WASF2: variants seen among roughly 807,000 people sequenced by gnomAD.
The protein encoded by WASF2 is WASP family member 2.
A neutral mutation model predicts 45.0 loss-of-function variants in WASF2; 14 were observed. The ratio of observed to expected loss-of-function variants is 0.31; its 90% CI spans 0.21 to 0.49. The LOEUF (loss-of-function observed/expected upper bound fraction) is 0.49, where lower values mean the gene tolerates loss of function less well. WASF2 is among the 20% of genes least tolerant of loss of function. WASF2 has a pLI of 0.99. For synonymous variants in WASF2, 200 were observed against 236.3 expected (o/e 0.85, Z 1.41); for missense variants, 439 against 636.1 (o/e 0.69, Z 3.33).
intron 1 of WASF2, among the ~76,000 whole-genome samples, chr1:27,456,731 CTCT>C (rs1205462352): frequency 1.4e-5 from 2 of 146,624 alleles, no homozygotes; most frequent in African/African-American, 5.0e-5. Flanking sequence ...TAAAGGTTTT[CTCT>C]TTTTTTTTTT....
rs772899205 is a variant in WASF2, at chr1:27,484,833, AAGG to A, written c.-44+5150_-44+5152del. Among the ~76,000 whole-genome samples, 3 of 151,688 alleles carry A rather than the reference AAGG, an allele frequency of 2.0e-5. 1 individual carries two copies. The South Asian group carries it at 6.2e-4, about 32-fold the overall frequency. ...TCTCAAAAAAAAAAAGAATACTCTA[AAGG>A]AAAAAAATCAGCTTTAAAATTTGGC... On this transcript the variant is annotated intron_variant, in intron 1 of 8. Coordinates refer to ENST00000618852, the MANE Select transcript of WASF2 (RefSeq NM_006990.5).
chr1:27,441,088 G>A (rs189729202), intron 1 of WASF2, among the ~76,000 whole-genome samples: 306 of 151,992 alleles, frequency 2.0e-3, no homozygotes, highest in African/African-American at 6.9e-3. Flanking sequence ...GGGTAGTCTC[G>A]AACTCCTGAG....
intron 1 of WASF2, among the ~76,000 whole-genome samples, chr1:27,489,696 A>T (rs545428032): frequency 6.6e-6 from 1 of 152,298 alleles, no homozygotes; most frequent in African/African-American, 2.4e-5. Context: ...CTTGCTCAAG[A>T]TCACACAGCG....
intron 1 of WASF2, among the ~76,000 whole-genome samples, chr1:27,468,921 CAAAAA>C (rs71010356): frequency 5.1e-5 from 4 of 77,778 alleles, no homozygotes; most frequent in Admixed American, 3.3e-4. Context: ...GACTCTGTCT[CAAAAA>C]AAAAAAAAAA....
At chr1:27,459,189 C>A (rs1176196465) in intron 1 of WASF2, 1 of 152,146 alleles carries the variant, frequency 6.6e-6, no homozygotes, top group African/African-American at 2.4e-5. Flanking sequence ...TGAGACCTGG[C>A]CGTGCCTGTC....
chr1:27,444,435 C>A (rs191462013), intron 1 of WASF2, among the ~76,000 whole-genome samples: 2 of 152,236 alleles, frequency 1.3e-5, no homozygotes, highest in East Asian at 3.9e-4. Context: ...CAGAGGGGTA[C>A]CCAGCACCCA....
At chr1:27,419,680 A>G (rs72882778) in intron 2 of WASF2, among the ~76,000 whole-genome samples, 9,690 of 152,224 alleles carry the variant, frequency 0.064, 1,034 homozygotes, top group African/African-American at 0.22. Context: ...TACCTTATAA[A>G]ACGGTTCTGA....
chr1:27,454,179 ATATATATATTTTTTTTT>A (rs1257770454), intron 1 of WASF2, among the ~76,000 whole-genome samples: 37 of 10,292 alleles, frequency 3.6e-3, no homozygotes, highest in African/African-American at 8.0e-3. Context: ...ATATATATAT[ATATATATATTTTTTTTT>A]TTTTTTTTTT....
chr1:27,468,122 G>A (rs2148135687), intron 1 of WASF2, among the ~76,000 whole-genome samples: 2 of 152,008 alleles, frequency 1.3e-5, no homozygotes, highest in Middle Eastern at 6.8e-3. Flanking sequence ...TAGTATAGAT[G>A]GGGTTTTACC....
intron 3 of WASF2, 112 bp from the exon 4 acceptor site, chr1:27,418,534 G>A (rs571423174): frequency 2.7e-5 from 38 of 1,425,786 alleles, no homozygotes; most frequent in Middle Eastern, 3.6e-4. Flanking sequence ...GTGGCTGTCC[G>A]CAGCCAGGCT....
At chr1:27,466,190 A>G (rs569174776) in intron 1 of WASF2, among the ~76,000 whole-genome samples, 1 of 152,362 alleles carries the variant, frequency 6.6e-6, no homozygotes, top group African/African-American at 2.4e-5. Flanking sequence ...ATCAAACCCC[A>G]GGGTAACCAA....
intron 1 of WASF2, among the ~76,000 whole-genome samples, chr1:27,457,770 G>C (rs1226532695): frequency 6.6e-6 from 1 of 151,846 alleles, no homozygotes; most frequent in African/African-American, 2.4e-5. Context: ...ATAGGTGTGA[G>C]CTACCTCTCC....
At chr1:27,454,185 ATATTTTTTTTT>A (rs2017434333) in intron 1 of WASF2, among the ~76,000 whole-genome samples, 4 of 7,956 alleles carry the variant, frequency 5.0e-4, no homozygotes, top group African/African-American at 1.3e-3. Context: ...ATATATATAT[ATATTTTTTTTT>A]TTTTTTTTTT....
chr1:27,453,313 C>T (rs529483475), intron 1 of WASF2, among the ~76,000 whole-genome samples: 11 of 151,840 alleles, frequency 7.2e-5, no homozygotes, highest in Non-Finnish European at 1.0e-4. Flanking sequence ...AGAATACTGC[C>T]GGGAGTGGTG....
intron 1 of WASF2, among the ~76,000 whole-genome samples, chr1:27,443,163 CTAAATAAA>C (rs1198483616): frequency 1.3e-5 from 2 of 149,682 alleles, no homozygotes; most frequent in Non-Finnish European, 3.0e-5. Flanking sequence ...GACCCTGTTT[CTAAATAAA>C]TAAATAAATA....
intron 7 of WASF2, 100 bp downstream of exon 7, chr1:27,412,472 A>C: frequency 6.6e-7 from 1 of 1,516,982 alleles, no homozygotes; most frequent in Non-Finnish European, 9.1e-7. Flanking sequence ...TGGCCTCCCA[A>C]AGAGCTGGGA....
intron 1 of WASF2, among the ~76,000 whole-genome samples, chr1:27,446,167 AAT>A (rs1442845429): frequency 1.3e-5 from 2 of 152,178 alleles, no homozygotes; most frequent in African/African-American, 4.8e-5. Context: ...TACTAGATTT[AAT>A]ATCTTAATCT....
chr1:27,476,832 C>T (rs890144531), intron 1 of WASF2, among the ~76,000 whole-genome samples: 8 of 152,268 alleles, frequency 5.3e-5, no homozygotes, highest in African/African-American at 1.9e-4. Flanking sequence ...TACAGCAACA[C>T]ATAGAAGTAC....
At position 27,473,842 on chromosome 1, in the gene WASF2, C is replaced by G. The variant is rs556588391; in HGVS notation, c.-44+16144G>C. Among the ~76,000 whole-genome samples the G allele has an allele frequency of 3.2e-4, 48 of 152,276 alleles. 1 individual carries two copies. The South Asian group carries it at 9.5e-3, about 30-fold the overall frequency. The stretch of plus-strand genomic sequence containing the variant: ...ATTCCAGTTCAGGGTCATGGGTGGC[C>G]GGAGCCTGTCCCAACAGCCCAGGGA... On this transcript the variant is annotated intron_variant, in intron 1 of 8. Coordinates refer to ENST00000618852, the MANE Select transcript of WASF2 (RefSeq NM_006990.5).
Sources: gnomAD v4.1 joint callset for allele counts (sites outside exome capture counted in the v4.1 genomes callset) on GRCh38, gnomAD v4.1.1 for gene constraint, MANE v1.5 for transcripts, NCBI Gene and HGNC (gene_info 2026-07-23, HGNC 2026-07-21) for gene names.